SV2C: variants seen among roughly 807,000 people sequenced by gnomAD.
The protein encoded by SV2C is solute carrier family 22 member B3.
A neutral mutation model predicts 79.7 loss-of-function variants in SV2C; 49 were observed. The observed-to-expected ratio is 0.61, with a 90% CI of 0.49 to 0.78. The LOEUF (loss-of-function observed/expected upper bound fraction) is 0.78, where lower values mean the gene tolerates loss of function less well. Among genes scored for constraint, SV2C ranks in the 30% least tolerant of loss-of-function variants. The pLI is 0.00. For synonymous variants in SV2C, 334 were observed against 333.2 expected (o/e 1.00, Z -0.03); for missense variants, 833 against 912.9 (o/e 0.91, Z 1.13).
At chr5:75,961,326 T>C in the SV2C span, among the ~76,000 whole-genome samples, 1 of 152,032 alleles carries the variant, frequency 6.6e-6, no homozygotes, top group African/African-American at 2.4e-5. Context: ...ATTTATTCCA[T>C]TAAATTTATT....
chr5:76,061,939 G>A, the SV2C span, among the ~76,000 whole-genome samples: 3 of 122,378 alleles, frequency 2.5e-5, no homozygotes, highest in East Asian at 8.0e-4. Flanking sequence ...TACAGAGAAT[G>A]ATGCAAATTT....
At chr5:76,236,340 G>C (rs1030793104) in intron 4 of SV2C, among the ~76,000 whole-genome samples, 2 of 152,140 alleles carry the variant, frequency 1.3e-5, no homozygotes, top group Non-Finnish European at 2.9e-5. Flanking sequence ...GAGGAAGGCA[G>C]GTGGATCACT....
intron 12 of SV2C, among the ~76,000 whole-genome samples, chr5:76,339,386 G>T (rs754072832): frequency 6.6e-6 from 1 of 152,136 alleles, no homozygotes; most frequent in African/African-American, 2.4e-5. Context: ...ATAAAAACTG[G>T]TTGTGATTAG....
intron 2 of SV2C, among the ~76,000 whole-genome samples, chr5:76,169,395 C>A (rs1399589296): frequency 6.6e-6 from 1 of 152,144 alleles, no homozygotes; most frequent in East Asian, 1.9e-4. Context: ...CACAGGAACC[C>A]TCTTAGTTGT....
At chr5:76,344,339 T>C (rs573376446) in intron 12 of SV2C, among the ~76,000 whole-genome samples, 9 of 152,248 alleles carry the variant, frequency 5.9e-5, no homozygotes, top group Non-Finnish European at 1.2e-4. Flanking sequence ...TTCCTTATAA[T>C]ATAATGGTTA....
At chr5:76,315,230 C>T (rs2112550803) in intron 12 of SV2C, among the ~76,000 whole-genome samples, 1 of 150,360 alleles carries the variant, frequency 6.7e-6, no homozygotes, top group Non-Finnish European at 1.5e-5. Context: ...ATAATAGATA[C>T]TAGGGTAAGA....
At chr5:75,889,857 A>T in the SV2C span, among the ~76,000 whole-genome samples, 1 of 152,076 alleles carries the variant, frequency 6.6e-6, no homozygotes, top group Non-Finnish European at 1.5e-5. Context: ...CACTCTAGAG[A>T]TGTGTACTGT....
intron 6 of SV2C, among the ~76,000 whole-genome samples, chr5:76,287,027 A>T (rs1045967851): frequency 2.6e-5 from 4 of 152,186 alleles, no homozygotes; most frequent in Non-Finnish European, 5.9e-5. Context: ...CAAAGGATAA[A>T]TTTAATGAAT....
chr5:76,282,390 A>G (rs562169031), intron 4 of SV2C, among the ~76,000 whole-genome samples: 3 of 152,358 alleles, frequency 2.0e-5, no homozygotes, highest in Admixed American at 2.0e-4. Context: ...TGTACAGACA[A>G]GGAGAGGTCT....
Position 76,332,116 on chromosome 5 carries a change from G to T in SV2C, c.*6569G>T, listed in dbSNP as rs961195026. The T allele has an allele frequency of 2.6e-5, 4 of 152,212 alleles. 1 individual carries two copies. The South Asian group carries it at 8.3e-4, about 32-fold the overall frequency. The allele number at this position is 152,212 out of a possible 1,614,324, so 9.4% of individuals were successfully genotyped here. On this transcript the variant is annotated 3_prime_UTR_variant, in exon 13 of 13. Transcript: ENST00000502798. ...CTGAAGGCTAGGTGCCTTCCAGTCA[G>T]GTCTGAATGCTGAAATTGCTGAGAT...
chr5:76,325,518 C>A lies in SV2C; in HGVS notation c.2155C>A (p.Pro719Thr). 1.2e-6 allele frequency: 2 copies of A among 1,614,098 alleles called. No homozygotes were observed. Among genetic ancestry groups the A allele is most frequent in the Non-Finnish European group, 1.7e-6 (2 of 1,180,002 alleles). ...TGGAGGACTCGTTGGGCTGTGCCTG[C>A]CTGACACACGAACCCAGGTTCTGAT... is the stretch of plus-strand genomic sequence containing the variant. ...VCGGLVGLCL[P>T]DTRTQVLM is the part of the protein sequence containing the mutation. The change falls in exon 13 of 13, where the codon CCT becomes ACT. Residue 719 changes from proline to threonine, a missense_variant. Pro to Thr is a conservative substitution (Grantham distance 38). Coordinates refer to ENST00000502798, the MANE Select transcript of SV2C (RefSeq NM_014979.4).
intron 4 of SV2C, among the ~76,000 whole-genome samples, chr5:76,246,163 A>G (rs772294806): frequency 6.6e-6 from 1 of 152,140 alleles, no homozygotes; most frequent in South Asian, 2.1e-4. Context: ...GGGAAAAAAA[A>G]GACAATACCT....
the SV2C span, among the ~76,000 whole-genome samples, chr5:75,884,537 T>G: frequency 6.6e-6 from 1 of 152,250 alleles, no homozygotes; most frequent in East Asian, 1.9e-4. Flanking sequence ...TTGATGGACT[T>G]GGTCATTTTT....
At chr5:76,144,468 A>C (rs1346548626) in intron 2 of SV2C, among the ~76,000 whole-genome samples, 1 of 152,164 alleles carries the variant, frequency 6.6e-6, no homozygotes, top group Non-Finnish European at 1.5e-5. Context: ...GCTTTTATTT[A>C]TCTGGAGGAA....
chr5:76,189,028 A>G (rs73113750), intron 2 of SV2C, among the ~76,000 whole-genome samples: 11,683 of 152,040 alleles, frequency 0.077, 507 homozygotes, highest in Non-Finnish European at 0.089. Context: ...TGCACACAGA[A>G]AGGAAAGGCT....
At chr5:75,992,338 T>C in the SV2C span, among the ~76,000 whole-genome samples, 1 of 152,018 alleles carries the variant, frequency 6.6e-6, no homozygotes, top group African/African-American at 2.4e-5. Context: ...ATACTATATA[T>C]GTATATCTGT....
At position 76,329,477 on chromosome 5, in the gene SV2C, G is replaced by T. The variant is rs1289889039; in HGVS notation, c.*3930G>T. On this transcript the variant is annotated 3_prime_UTR_variant, in exon 13 of 13. Transcript: ENST00000502798. ...ACAAATCTCACCAAATCAGAGTTCA[G>T]GTTTTCACCAAAAACTGCTTAGTTG... The T allele has an allele frequency of 6.6e-6, 1 of 152,146 alleles. No individual in the cohort carries two copies. The highest frequency in any genetic ancestry group is 1.5e-5 in the Non-Finnish European group (1 of 68,040). The allele number at this position is 152,146 out of a possible 1,614,324, so 9.4% of individuals were successfully genotyped here.
At chr5:76,294,714 A>T (rs1747684577) in intron 8 of SV2C, among the ~76,000 whole-genome samples, 1 of 152,196 alleles carries the variant, frequency 6.6e-6, no homozygotes, top group Non-Finnish European at 1.5e-5. Flanking sequence ...AACCAGCCAC[A>T]TCTCAACTGC....
the SV2C span, among the ~76,000 whole-genome samples, chr5:75,864,854 A>C: frequency 6.6e-6 from 1 of 152,234 alleles, no homozygotes. Context: ...TCTCCAGCAC[A>C]TGTGATGAGT....
Sources: gnomAD v4.1 joint callset for allele counts (sites outside exome capture counted in the v4.1 genomes callset) on GRCh38, gnomAD v4.1.1 for gene constraint, MANE v1.5 for transcripts, NCBI Gene and HGNC (gene_info 2026-07-23, HGNC 2026-07-21) for gene names.